Variants in ASAH2 observed in about 807,000 individuals in gnomAD.
The protein encoded by ASAH2 is N-acylsphingosine amidohydrolase 2.
Under a neutral mutation model 82.9 loss-of-function variants are expected in ASAH2, and 58 were observed. The observed-to-expected ratio is 0.70, with a 90% CI of 0.57 to 0.87. The LOEUF is 0.87. ASAH2 is among the 40% of genes least tolerant of loss of function. The probability of loss-of-function intolerance (pLI) is 0.00; values close to 1 mark genes in which losing one functional copy is unlikely to be tolerated. For synonymous variants in ASAH2, 276 were observed against 289.7 expected, an observed-to-expected ratio of 0.95 and a Z score of 0.48; for missense variants, 779 against 834.0, an observed-to-expected ratio of 0.93 and a Z score of 0.81.
At chr10:50,244,462 G>C (rs1451170394) in intron 3 of ASAH2, among the ~76,000 whole-genome samples, 1 of 152,144 alleles carries the variant, frequency 6.6e-6, no homozygotes, top group Non-Finnish European at 1.5e-5. Flanking sequence ...TCACTTTTCA[G>C]AACACACAGT....
chr10:50,199,351 C>T (rs1845079938), intron 16 of ASAH2, among the ~76,000 whole-genome samples: 4 of 151,968 alleles, frequency 2.6e-5, no homozygotes, highest in African/African-American at 9.7e-5. Flanking sequence ...CTGTTAAAAG[C>T]AGTGGGTTCT....
At chr10:50,238,998 A>T (rs1206953338) in intron 4 of ASAH2, among the ~76,000 whole-genome samples, 3 of 152,156 alleles carry the variant, frequency 2.0e-5, no homozygotes, top group African/African-American at 4.8e-5. Flanking sequence ...CAGTTCATGA[A>T]AGGAGGGTAT....
At position 50,234,567 on chromosome 10, in the gene ASAH2, A is replaced by G. The variant is rs1293464837; in HGVS notation, c.688-15T>C. The G allele has an allele frequency of 6.2e-7, 1 of 1,612,642 alleles. No homozygotes were observed. The highest frequency in any genetic ancestry group is 8.5e-7 in the Non-Finnish European group (1 of 1,178,866). ...ATGTCAATGCTCTGAAGGTTAAAAAAGAGGGGGATGTTATAAGCTTAGAAA... is the reference window on the plus strand; with the variant it reads ...ATGTCAATGCTCTGAAGGTTAAAAAGGAGGGGGATGTTATAAGCTTAGAAA... On this transcript the variant is annotated splice_polypyrimidine_tract_variant and intron_variant, in intron 5 of 20. Transcript: ENST00000682911.
intron 7 of ASAH2, among the ~76,000 whole-genome samples, chr10:50,226,293 T>C (rs962801054): frequency 6.6e-6 from 1 of 151,986 alleles, no homozygotes; most frequent in Non-Finnish European, 1.5e-5. Flanking sequence ...AAAAATAGAG[T>C]TAACAAACTG....
rs527268300 is a variant in ASAH2, at chr10:50,243,055, T to A, written c.510+147A>T. On this transcript the variant is annotated intron_variant, in intron 4 of 20. Coordinates refer to ENST00000682911, the MANE Select transcript of ASAH2 (RefSeq NM_019893.4). ...GAAGATCATTTTCCTTGTAAGATTA[T>A]CTGCTATATTGTCCAGAGCGTATAA... 13 of 928,108 alleles carry A rather than the reference T, an allele frequency of 1.4e-5. No homozygotes were observed. The Admixed American group carries it at 1.9e-4, about 13-fold the overall frequency. The allele number at this position is 928,108 out of a possible 1,614,324, so 57.5% of individuals were successfully genotyped here.
chr10:50,220,707 A>C (rs1845720015), intron 7 of ASAH2, among the ~76,000 whole-genome samples: 1 of 152,102 alleles, frequency 6.6e-6, no homozygotes, highest in Admixed American at 6.6e-5. Context: ...TAATCTGTAC[A>C]ATGAAGCCCC....
At chr10:50,233,367 G>A (rs1846063965) in intron 6 of ASAH2, 106 bp from the exon 7 acceptor site, 2 of 785,132 alleles carry the variant, frequency 2.5e-6, no homozygotes, top group African/African-American at 1.7e-5. Flanking sequence ...CTCTCAGTAA[G>A]TGAGATGTCT....
At chr10:50,222,782 T>A (rs1177402723) in intron 7 of ASAH2, among the ~76,000 whole-genome samples, 1 of 152,202 alleles carries the variant, frequency 6.6e-6, no homozygotes, top group Non-Finnish European at 1.5e-5. Flanking sequence ...ACTATAGTTA[T>A]GGATGAATAT....
intron 14 of ASAH2, among the ~76,000 whole-genome samples, chr10:50,204,404 A>G (rs1845239588): frequency 6.6e-6 from 1 of 151,906 alleles, no homozygotes; most frequent in African/African-American, 2.4e-5. Flanking sequence ...AAAGAGGAAG[A>G]AACAGAAAAA....
At chr10:50,205,735 GCCTTTCC>G (rs1845275444) in intron 13 of ASAH2, among the ~76,000 whole-genome samples, 1 of 151,896 alleles carries the variant, frequency 6.6e-6, no homozygotes, top group South Asian at 2.1e-4. Flanking sequence ...ATCTTATTCT[GCCTTTCC>G]CACTGTCCTA....
At chr10:50,220,131 C>G (rs1268132686) in intron 7 of ASAH2, among the ~76,000 whole-genome samples, 1 of 151,936 alleles carries the variant, frequency 6.6e-6, no homozygotes, top group Non-Finnish European at 1.5e-5. Context: ...TTGAAACAAA[C>G]AAACAAAAAA....
intron 2 of ASAH2, among the ~76,000 whole-genome samples, chr10:50,246,722 C>A: frequency 6.6e-6 from 1 of 152,100 alleles, no homozygotes; most frequent in East Asian, 1.9e-4. Flanking sequence ...CTCTTTCGAC[C>A]AAATTCTAGG....
rs909850437 is a variant in ASAH2 at position 50,233,151 on chromosome 10, G to A, written c.893+33C>T. The stretch of plus-strand genomic sequence containing the variant: ...TCTCTTTAATTAAGAAAAGCTACCC[G>A]ACAGAATTATTTTTAAAAAGGAAAT... On this transcript the variant is annotated intron_variant, in intron 7 of 20. Coordinates refer to ENST00000682911, the MANE Select transcript of ASAH2 (RefSeq NM_019893.4). 2.8e-5 allele frequency: 40 copies of A among 1,454,544 alleles called. 1 individual carries two copies. The highest frequency in any genetic ancestry group is 1.8e-4 in the African/African-American group (13 of 71,904). The allele number at this position is 1,454,544 out of a possible 1,614,324, so 90.1% of individuals were successfully genotyped here. A position where few individuals can be genotyped will look rare whatever the true frequency, so the allele number is the denominator to read the frequency against.
intron 7 of ASAH2, among the ~76,000 whole-genome samples, chr10:50,227,854 G>T (rs1339966635): frequency 7.2e-5 from 11 of 152,040 alleles, no homozygotes; most frequent in Non-Finnish European, 1.6e-4. Flanking sequence ...CTTCACCTAC[G>T]GGGCAGGGGA....
intron 5 of ASAH2, 86 bp from the exon 6 acceptor site, chr10:50,234,638 G>A (rs1288833745): frequency 8.8e-6 from 14 of 1,584,046 alleles, no homozygotes; most frequent in Non-Finnish European, 1.2e-5. Context: ...GAAGAGCCCT[G>A]TGAACAATTT....
At chr10:50,224,094 G>C (rs1308791019) in intron 7 of ASAH2, among the ~76,000 whole-genome samples, 1 of 152,178 alleles carries the variant, frequency 6.6e-6, no homozygotes, top group East Asian at 1.9e-4. Flanking sequence ...TTGTGTTACA[G>C]TAGCTGAAAA....
At chr10:50,210,955 AACT>A in intron 11 of ASAH2, 51 bp from the exon 12 acceptor site, 1 of 1,604,552 alleles carries the variant, frequency 6.2e-7, no homozygotes, top group East Asian at 2.2e-5. Context: ...ACAAAAGTTA[AACT>A]GAAAGTAAAT....
rs1168545126 is a variant in ASAH2, at chr10:50,218,512, G to T, written c.1012C>A (p.Gln338Lys). 6.2e-7 allele frequency: 1 copy of T among 1,613,574 alleles called. No individual in the cohort carries two copies. The highest frequency in any genetic ancestry group is 8.5e-7 in the Non-Finnish European group (1 of 1,179,740). ...CTTTCAATGATATAAATTCTCACCTGTCCAGGTAGATATCCTTTGTTCTTC... is the reference window on the plus strand; with the variant it reads ...CTTTCAATGATATAAATTCTCACCTTTCCAGGTAGATATCCTTTGTTCTTC... ...QEKNKGYLPG[Q>K]GPFVAAFASS... Residue 338 changes from glutamine to lysine, a missense_variant and splice_region_variant, in exon 8 of 21, where the codon CAG becomes AAG. Around this residue, in one of 3 missense-constraint regions of ASAH2, gnomAD observed 759 missense variants for 755.2 expected, o/e 1.00. Transcript: ENST00000682911.
chr10:50,218,532 T>TTC lies in ASAH2; in HGVS notation c.990_991dup (p.Asn331ArgfsTer13), dbSNP rs777536435. 1 of 1,613,640 alleles carries TTC rather than the reference T, an allele frequency of 6.2e-7. No homozygotes were observed. The highest frequency in any genetic ancestry group is 1.3e-5 in the African/African-American group (1 of 74,902). ...CACCTGTCCAGGTAGATATCCTTTG[T>TTC]TCTTCTCTTGCTCAAGCAGGTAAGA... On this transcript the variant is annotated frameshift_variant, in exon 8 of 21. Coordinates refer to ENST00000682911, the MANE Select transcript of ASAH2 (RefSeq NM_019893.4). LOFTEE classifies it high-confidence loss of function.
Sources: allele counts gnomAD v4.1 joint callset (sites outside exome capture counted in the v4.1 genomes callset), GRCh38; gene constraint gnomAD v4.1.1; regional missense constraint gnomAD v4.1.1; transcripts MANE v1.5; gene names NCBI Gene and HGNC (gene_info 2026-07-23, HGNC 2026-07-21).